ZNF93: variants seen among roughly 807,000 people sequenced by gnomAD.
ZNF93 encodes the protein zinc finger protein 93.
A neutral mutation model predicts 45.0 loss-of-function variants in ZNF93; 29 were observed. The observed-to-expected ratio is 0.64, with a 90% CI of 0.48 to 0.88. The LOEUF (loss-of-function observed/expected upper bound fraction) is 0.88. ZNF93 is among the 40% of genes least tolerant of loss of function. The probability of loss-of-function intolerance (pLI) is 0.00; values close to 1 mark genes in which losing one functional copy is unlikely to be tolerated. For missense variants in ZNF93, 578 were observed against 724.0 expected, an observed-to-expected ratio of 0.80 and a Z score of 2.31; for synonymous variants, 223 against 244.6, an observed-to-expected ratio of 0.91 and a Z score of 0.82.
Position 19,916,576 on chromosome 19 carries a change from G to T in ZNF93, c.147G>T (p.Lys49Asn). 1.2e-6 allele frequency: 2 copies of T among 1,612,264 alleles called. No individual in the cohort carries two copies. The highest frequency in any genetic ancestry group is 1.7e-6 in the Non-Finnish European group (2 of 1,179,396). The change falls in exon 3 of 4, where the codon AAG becomes AAT. Residue 49 changes from lysine (K) to asparagine (N), a missense_variant. Physicochemically the swap from Lys to Asn is moderately conservative, Grantham distance 94. Around this residue, in one of 3 missense-constraint regions of ZNF93, gnomAD observed 446 missense variants for 547.6 expected, o/e 0.81. Transcript: ENST00000343769. The part of the protein sequence containing the change: ...NLVFLGIVVS[K>N]PDLIAHLEQG... ...ACAAAACAGGTATTGTTGTCTCTAAGCCAGACCTGATCGCCCATCTGGAGC... is the reference window on the plus strand; with the variant it reads ...ACAAAACAGGTATTGTTGTCTCTAATCCAGACCTGATCGCCCATCTGGAGC...
chr19:19,921,219 C>G (rs1402484530), intron 3 of ZNF93, among the ~76,000 whole-genome samples: 2 of 152,174 alleles, frequency 1.3e-5, no homozygotes, highest in African/African-American at 2.4e-5. Context: ...CATTCTGGAG[C>G]AGGTTGTTCA....
At chr19:19,903,791 C>T (rs2063283991) in intron 1 of ZNF93, among the ~76,000 whole-genome samples, 1 of 151,528 alleles carries the variant, frequency 6.6e-6, no homozygotes, top group South Asian at 2.1e-4. Flanking sequence ...ATATTTCAGG[C>T]CAGGCGCGGT....
At chr19:19,909,812 C>T (rs947785831) in intron 1 of ZNF93, among the ~76,000 whole-genome samples, 2 of 152,228 alleles carry the variant, frequency 1.3e-5, no homozygotes, top group Non-Finnish European at 1.5e-5. Context: ...CCCTCTCAGA[C>T]TTTGAGTCAG....
intron 2 of ZNF93, among the ~76,000 whole-genome samples, chr19:19,916,066 T>A (rs955491636): frequency 2.1e-5 from 3 of 141,288 alleles, no homozygotes; most frequent in Admixed American, 1.4e-4. Flanking sequence ...TATTTTCTTT[T>A]TCCTTTTTTT....
intron 3 of ZNF93, among the ~76,000 whole-genome samples, chr19:19,917,874 A>G (rs1199529133): frequency 6.6e-6 from 1 of 152,124 alleles, no homozygotes; most frequent in Middle Eastern, 3.2e-3. Context: ...TGATCTACAA[A>G]CAGCAACTTT....
chr19:19,911,018 T>TA (rs1380682380), intron 1 of ZNF93, among the ~76,000 whole-genome samples: 2 of 152,180 alleles, frequency 1.3e-5, no homozygotes, highest in Non-Finnish European at 2.9e-5. Context: ...GCAGAATCTG[T>TA]AAGTGTAAAT....
intron 1 of ZNF93, among the ~76,000 whole-genome samples, chr19:19,906,160 ATCTCCTT>A (rs1376643464): frequency 2.0e-5 from 3 of 147,670 alleles, no homozygotes; most frequent in East Asian, 3.9e-4. Context: ...GAGTATAAGC[ATCTCCTT>A]TCTCCTTTCT....
chr19:19,923,386 G>A (rs2063347108), intron 3 of ZNF93, among the ~76,000 whole-genome samples: 1 of 152,194 alleles, frequency 6.6e-6, no homozygotes, highest in Admixed American at 6.5e-5. Context: ...TCAGGGGTCA[G>A]GGACCCACTT....
In ZNF93 at chr19:19,934,272, C is replaced by T. The variant is rs1028485193; in HGVS notation, c.1317C>T (p.Thr439=). The T allele has an allele frequency of 1.9e-6, 3 of 1,612,778 alleles. No homozygotes were observed. Among genetic ancestry groups the T allele is most frequent in the Non-Finnish European group, 2.5e-6 (3 of 1,179,930 alleles). Residue 439 remains threonine (T), a synonymous_variant, in exon 4 of 4, where the codon ACC becomes ACT. Coordinates refer to ENST00000343769, the MANE Select transcript of ZNF93 (RefSeq NM_031218.4). ...ECGKAFVASS[T]LSKHEIIHTG... is the part of the protein sequence containing the mutation. ...GCAAAGCCTTTGTTGCATCCTCAAC[C>T]CTTAGTAAACATGAGATCATTCATA...
intron 3 of ZNF93, among the ~76,000 whole-genome samples, chr19:19,925,918 C>A (rs2063354673): frequency 1.3e-5 from 2 of 152,054 alleles, no homozygotes; most frequent in African/African-American, 4.8e-5. Flanking sequence ...ACTCTAGGTT[C>A]TTTTAAATGC....
rs535056488 is a variant in ZNF93, at chr19:19,930,266, A to G, written c.227-2916A>G. 2.0e-5 allele frequency among the ~76,000 whole-genome samples: 3 copies of G among 152,276 alleles called. No homozygotes were observed. The South Asian group carries it at 6.2e-4, about 32-fold the overall frequency. ...TTTCTGCATATCAGAGACTTTTAGTACTTTCACTAATTTTGCTACTCTTAT... is the reference window on the plus strand; with the variant it reads ...TTTCTGCATATCAGAGACTTTTAGTGCTTTCACTAATTTTGCTACTCTTAT... On this transcript the variant is annotated intron_variant, in intron 3 of 3. Transcript: ENST00000343769.
chr19:19,907,896 G>C (rs532325523), intron 1 of ZNF93: 1 of 152,108 alleles, frequency 6.6e-6, no homozygotes, highest in South Asian at 2.1e-4. Flanking sequence ...CACTTAAATG[G>C]TTATTTTAAT....
chr19:19,915,486 T>C, intron 2 of ZNF93, 80 bp downstream of exon 2: 1 of 1,519,444 alleles, frequency 6.6e-7, no homozygotes, highest in Non-Finnish European at 8.8e-7. Context: ...TTTTTAGTAA[T>C]TTATTCTTTG....
rs746576882 is a variant in ZNF93, at chr19:19,915,282, A to G, written c.6A>G (p.Gly2=). The change falls in exon 2 of 4, where the codon GGA becomes GGG. Residue 2 remains glycine, a splice_region_variant and synonymous_variant. Transcript: ENST00000343769. The part of the protein sequence containing the change: M[G]PLQFRDVAIE... ...AAATGTGTGTGTGTGTTTTTCAGGG[A>G]CCATTGCAATTTAGAGATGTGGCCA... is the stretch of plus-strand genomic sequence containing the variant. 6 of 1,613,888 alleles carry G rather than the reference A, an allele frequency of 3.7e-6. No homozygotes were observed. In the Admixed American group the frequency reaches 8.3e-5, roughly 22 times the overall value.
chr19:19,933,257 G>A lies in ZNF93; in HGVS notation c.302G>A (p.Arg101Lys), dbSNP rs376917798. The change falls in exon 4 of 4, where the codon AGA becomes AAA. Residue 101 changes from arginine (R) to lysine (K), a missense_variant. Arg to Lys is a conservative substitution (Grantham distance 26). Around this residue, in one of 3 missense-constraint regions of ZNF93, gnomAD observed 446 missense variants for 547.6 expected, o/e 0.81. Transcript: ENST00000343769. ...GATTCTTTCCAAAAAGTGATACTGA[G>A]AAGATATGAAAAACGTGGACATGGA... ...IKDSFQKVIL[R>K]RYEKRGHGNL... The A allele has an allele frequency of 1.4e-5, 22 of 1,611,050 alleles. 1 individual carries two copies. The highest frequency in any genetic ancestry group is 1.2e-4 in the Admixed American group (7 of 59,740).
chr19:19,918,091 C>T (rs1042999200), intron 3 of ZNF93, among the ~76,000 whole-genome samples: 1 of 151,720 alleles, frequency 6.6e-6, no homozygotes, highest in Admixed American at 6.6e-5. Context: ...CTAATGCTAT[C>T]CCTCCCCCGT....
intron 3 of ZNF93, among the ~76,000 whole-genome samples, chr19:19,930,135 T>C (rs2063369065): frequency 6.6e-6 from 1 of 151,750 alleles, no homozygotes; most frequent in African/African-American, 2.4e-5. Context: ...TCTCCAATGA[T>C]AGGTAAGGTC....
At chr19:19,933,057 C>A in intron 3 of ZNF93, 125 bp from the exon 4 acceptor site, 1 of 755,128 alleles carries the variant, frequency 1.3e-6, no homozygotes, top group Middle Eastern at 2.9e-4. Flanking sequence ...GAAGACATTA[C>A]AGCTTGTGGT....
Position 19,903,690 on chromosome 19 carries a change from C to G in ZNF93, c.3+2599C>G, listed in dbSNP as rs189899663. ...CTGAGGCAGGAGAATCGCTAGAACC[C>G]GAGAAGCAGAGGTTGCAGTGAGCCA... On this transcript the variant is annotated intron_variant, in intron 1 of 3. Transcript: ENST00000343769. Among the ~76,000 whole-genome samples the G allele has an allele frequency of 6.1e-3, 926 of 152,184 alleles. 3 individuals carry two copies. The highest frequency in any genetic ancestry group is 0.011 in the Admixed American group (167 of 15,282).
Sources: gnomAD v4.1 joint callset for allele counts (sites outside exome capture counted in the v4.1 genomes callset) on GRCh38, gnomAD v4.1.1 for gene constraint, gnomAD v4.1.1 regional missense constraint, MANE v1.5 for transcripts, NCBI Gene and HGNC (gene_info 2026-07-23, HGNC 2026-07-21) for gene names.